RGS7: variants seen among roughly 807,000 people sequenced by gnomAD.
RGS7 encodes regulator of G-protein signaling 7.
RGS7 carries 27 observed loss-of-function variants against 81.1 expected under a neutral mutation model. The ratio of observed to expected loss-of-function variants is 0.33; its 90% CI spans 0.25 to 0.46. The LOEUF (loss-of-function observed/expected upper bound fraction) is 0.46, where lower values mean the gene tolerates loss of function less well. RGS7 is among the 20% of genes least tolerant of loss of function. The pLI is 1.00. For synonymous variants in RGS7, 208 were observed against 207.7 expected (o/e 1.00, Z -0.01); for missense variants, 396 against 607.4 (o/e 0.65, Z 3.66).
chr1:241,150,557 C>T (rs1048025526), intron 2 of RGS7, among the ~76,000 whole-genome samples: 10 of 152,086 alleles, frequency 6.6e-5, no homozygotes, highest in African/African-American at 2.4e-4. Context: ...CTATAAACCC[C>T]CTCCCATAGG....
chr1:241,310,377 G>GTA (rs2080438208), intron 2 of RGS7, among the ~76,000 whole-genome samples: 1 of 151,148 alleles, frequency 6.6e-6, no homozygotes, highest in Admixed American at 6.6e-5. Context: ...GTGTGTGTGT[G>GTA]TATGAGTGTG....
At chr1:241,158,547 G>A (rs1445169333) in intron 2 of RGS7, among the ~76,000 whole-genome samples, 3 of 152,148 alleles carry the variant, frequency 2.0e-5, no homozygotes, top group East Asian at 3.8e-4. Context: ...AACAACATTT[G>A]TCAAGTAAGT....
intron 9 of RGS7, among the ~76,000 whole-genome samples, chr1:240,859,561 C>A (rs1239307781): frequency 6.6e-6 from 1 of 150,504 alleles, no homozygotes; most frequent in East Asian, 2.0e-4. Context: ...AGATATAGAC[C>A]CTTTTATATT....
rs187237095 is a variant in RGS7 at position 240,902,638 on chromosome 1, G to A, written c.385+28079C>T. On this transcript the variant is annotated intron_variant, in intron 6 of 18. Coordinates refer to ENST00000440928, the MANE Select transcript of RGS7 (RefSeq NM_001364886.1). The stretch of plus-strand genomic sequence containing the variant: ...AAACTTCCACTATGTTGCCCAGGCT[G>A]GTCTTTAAGTCAGACAAATGCAATT... Among the ~76,000 whole-genome samples, 560 of 152,230 alleles carry A rather than the reference G, an allele frequency of 3.7e-3. 4 individuals are homozygous for A. Among genetic ancestry groups the A allele is most frequent in the African/African-American group, 0.013 (538 of 41,556 alleles).
At chr1:240,944,296 A>G (rs1313897046) in intron 4 of RGS7, among the ~76,000 whole-genome samples, 22,052 of 76,558 alleles carry the variant, frequency 0.29, 2,812 homozygotes, top group Non-Finnish European at 0.36. Context: ...ATATATATAT[A>G]TATATATATA....
At chr1:241,077,794 CAAAAAAAGAAAAAG>C (rs1558683613) in intron 3 of RGS7, among the ~76,000 whole-genome samples, 1 of 151,958 alleles carries the variant, frequency 6.6e-6, no homozygotes, top group African/African-American at 2.4e-5. Context: ...ATTGAGTCTC[CAAAAAAAGAAAAAG>C]AAAGCGTCTG....
intron 2 of RGS7, among the ~76,000 whole-genome samples, chr1:241,174,064 G>A (rs1363013128): frequency 6.6e-6 from 1 of 152,180 alleles, no homozygotes; most frequent in Non-Finnish European, 1.5e-5. Flanking sequence ...AATGTGCTGG[G>A]TTCCTGTGTT....
At chr1:241,251,666 C>T (rs1444277945) in intron 2 of RGS7, among the ~76,000 whole-genome samples, 5 of 152,022 alleles carry the variant, frequency 3.3e-5, no homozygotes, top group East Asian at 2.0e-4. Context: ...CTTGCCACCA[C>T]GCCCAGCTAA....
intron 6 of RGS7, among the ~76,000 whole-genome samples, chr1:240,927,222 A>G (rs1433607199): frequency 6.6e-6 from 1 of 152,120 alleles, no homozygotes; most frequent in African/African-American, 2.4e-5. Flanking sequence ...GTGCGCCACC[A>G]TGCCCAGCTA....
intron 3 of RGS7, among the ~76,000 whole-genome samples, chr1:241,010,809 A>AAT (rs2058921174): frequency 6.6e-6 from 1 of 152,138 alleles, no homozygotes; most frequent in Non-Finnish European, 1.5e-5. Flanking sequence ...CAACAGGGAG[A>AAT]ATATGCAGAT....
Position 240,859,827 on chromosome 1 carries a change from C to T in RGS7, c.609+8760G>A, listed in dbSNP as rs1456683159. The stretch of plus-strand genomic sequence containing the variant: ...TACTAATTTTAGATCTTTCTTTCTT[C>T]TAGTACATGTACTCAATGCTATAAA... On this transcript the variant is annotated intron_variant, in intron 9 of 18. Transcript: ENST00000440928. 3.3e-5 allele frequency among the ~76,000 whole-genome samples: 5 copies of T among 152,228 alleles called. No homozygotes were observed. The East Asian group carries it at 7.7e-4, about 24-fold the overall frequency.
At chr1:240,820,913 G>A (rs147861476) in intron 10 of RGS7, among the ~76,000 whole-genome samples, 22 of 152,194 alleles carry the variant, frequency 1.4e-4, no homozygotes, top group African/African-American at 5.3e-4. Flanking sequence ...GTTTCTATGT[G>A]AAATGTAATC....
rs1046099600 is a variant in RGS7 at position 241,067,767 on chromosome 1, G to A, written c.175+30899C>T. On this transcript the variant is annotated intron_variant, in intron 3 of 18. Coordinates refer to ENST00000440928, the MANE Select transcript of RGS7 (RefSeq NM_001364886.1). ...TGACCTCAGGTGATCCACCTGCCTC[G>A]GCCTCCCAAAGTGCTGGGATTACAG... is the stretch of plus-strand genomic sequence containing the variant. Among the ~76,000 whole-genome samples, 17 of 151,988 alleles carry A rather than the reference G, an allele frequency of 1.1e-4. No homozygotes were observed. The East Asian group carries it at 1.6e-3, about 14-fold the overall frequency.
chr1:241,256,883 C>T (rs2077073065), intron 2 of RGS7, among the ~76,000 whole-genome samples: 1 of 151,310 alleles, frequency 6.6e-6, no homozygotes, highest in African/African-American at 2.4e-5. Context: ...TCAACTTCTC[C>T]CGTAGGCCAA....
intron 2 of RGS7, among the ~76,000 whole-genome samples, chr1:241,315,627 T>C (rs892726775): frequency 6.6e-6 from 1 of 152,208 alleles, no homozygotes. Context: ...ACATATAAGG[T>C]CATGTCATCT....
chr1:240,979,163 A>G (rs1158178910), intron 4 of RGS7, among the ~76,000 whole-genome samples: 2 of 152,222 alleles, frequency 1.3e-5, no homozygotes, highest in Non-Finnish European at 2.9e-5. Context: ...GAACAACTAC[A>G]TATAATCCTA....
intron 2 of RGS7, among the ~76,000 whole-genome samples, chr1:241,124,912 T>C (rs2066542310): frequency 6.6e-6 from 1 of 152,222 alleles, no homozygotes; most frequent in Admixed American, 6.5e-5. Flanking sequence ...TGCTGAGGCC[T>C]GAAGAAACTT....
chr1:240,933,133 C>G (rs897987044), intron 5 of RGS7, among the ~76,000 whole-genome samples: 1 of 150,478 alleles, frequency 6.6e-6, no homozygotes, highest in Non-Finnish European at 1.5e-5. Flanking sequence ...CTGCCCCCCT[C>G]GGCCCCACAA....
At chr1:240,844,067 C>T (rs1774965) in intron 9 of RGS7, among the ~76,000 whole-genome samples, 2,925 of 152,216 alleles carry the variant, frequency 0.019, 97 homozygotes, top group African/African-American at 0.067. Context: ...ATCTTAGTTT[C>T]GCTTTGATAT....
Sources: allele counts gnomAD v4.1 joint callset (sites outside exome capture counted in the v4.1 genomes callset), GRCh38; gene constraint gnomAD v4.1.1; transcripts MANE v1.5; gene names NCBI Gene and HGNC (gene_info 2026-07-23, HGNC 2026-07-21).